Variants in FMNL2 observed in about 807,000 individuals in gnomAD.
FMNL2 encodes the protein formin like 2.
A neutral mutation model predicts 130.2 loss-of-function variants in FMNL2; 51 were observed. The ratio of observed to expected loss-of-function variants is 0.39; its 90% CI spans 0.31 to 0.49. The LOEUF is 0.49. Among genes scored for constraint, FMNL2 ranks in the 20% least tolerant of loss-of-function variants. FMNL2 has a pLI of 0.85. For synonymous variants in FMNL2, 465 were observed against 467.1 expected (o/e 1.00, Z 0.06); for missense variants, 977 against 1,316.2 (o/e 0.74, Z 3.99).
At chr2:152,429,144 A>ACCTGCACAT (rs963228706) in intron 1 of FMNL2, among the ~76,000 whole-genome samples, 3 of 151,762 alleles carry the variant, frequency 2.0e-5, no homozygotes, top group African/African-American at 7.3e-5. Flanking sequence ...TACGTAACAA[A>ACCTGCACAT]CCTGCACATC....
At chr2:152,392,562 C>A (rs1387214816) in intron 1 of FMNL2, among the ~76,000 whole-genome samples, 2 of 152,178 alleles carry the variant, frequency 1.3e-5, no homozygotes, top group Non-Finnish European at 2.9e-5. Context: ...GACCCTCTTG[C>A]TGCATCCTCA....
chr2:152,364,277 T>TG (rs1683377646), intron 1 of FMNL2, among the ~76,000 whole-genome samples: 1 of 111,984 alleles, frequency 8.9e-6, no homozygotes, highest in African/African-American at 2.8e-5. Context: ...TTTTTTTTTT[T>TG]TTTTTTTTTT....
chr2:152,371,214 T>A (rs1486695815), intron 1 of FMNL2, among the ~76,000 whole-genome samples: 1 of 152,188 alleles, frequency 6.6e-6, no homozygotes, highest in Non-Finnish European at 1.5e-5. Context: ...TCAGCCCTAT[T>A]TATCATGGGG....
intron 2 of FMNL2, among the ~76,000 whole-genome samples, chr2:152,527,489 A>C (rs1240027579): frequency 6.6e-6 from 1 of 152,196 alleles, no homozygotes; most frequent in African/African-American, 2.4e-5. Flanking sequence ...CCTTCTATTA[A>C]TACAGTAAAC....
At chr2:152,597,449 TA>T in intron 9 of FMNL2, among the ~76,000 whole-genome samples, 1 of 152,338 alleles carries the variant, frequency 6.6e-6, no homozygotes, top group Non-Finnish European at 1.5e-5. Context: ...TAGAGTATCA[TA>T]AAGATGTGTA....
chr2:152,351,118 C>A (rs905131286), intron 1 of FMNL2, among the ~76,000 whole-genome samples: 11 of 152,064 alleles, frequency 7.2e-5, no homozygotes, highest in Admixed American at 7.2e-4. Flanking sequence ...TAAAATTATC[C>A]CAAAAATACC....
rs376946129 is a variant in FMNL2 at position 152,619,582 on chromosome 2, G to T, written c.1701G>T (p.Pro567=). 9.9e-5 allele frequency: 24 copies of T among 243,376 alleles called. No homozygotes were observed. In the African/African-American group the frequency reaches 3.0e-3, roughly 30 times the overall value. The allele number at this position is 243,376 out of a possible 1,614,324, so 15.1% of individuals were successfully genotyped here. ...CTCCTCCACCTCCTCCTCCCCCACC[G>T]CCCCCTCCGCCTCCTCCTCTCCCAG... ...PPPPPPPPPP[P]PPPPPPLPGP... is the part of the protein sequence containing the mutation. Residue 567 remains proline (P), a synonymous_variant, in exon 15 of 26, where the codon CCG becomes CCT. Coordinates refer to ENST00000288670, the MANE Select transcript of FMNL2 (RefSeq NM_052905.4).
chr2:152,501,634 A>G (rs1190938160), intron 1 of FMNL2, among the ~76,000 whole-genome samples: 3 of 152,340 alleles, frequency 2.0e-5, no homozygotes, highest in East Asian at 1.9e-4. Context: ...AGAAGGGAGC[A>G]AAGAGCCTGA....
At chr2:152,559,815 T>C (rs1369218636) in intron 5 of FMNL2, among the ~76,000 whole-genome samples, 1 of 152,148 alleles carries the variant, frequency 6.6e-6, no homozygotes, top group Non-Finnish European at 1.5e-5. Flanking sequence ...TTTATTAGAT[T>C]ACCCCATTCT....
chr2:152,625,899 C>G lies in FMNL2; in HGVS notation c.1962+337C>G, dbSNP rs370544423. Among the ~76,000 whole-genome samples, 124 of 152,290 alleles carry G rather than the reference C, an allele frequency of 8.1e-4. No homozygotes were observed. The South Asian group carries it at 0.026, about 32-fold the overall frequency. The stretch of plus-strand genomic sequence containing the variant: ...TGCAAGTGAGCTCAATTATCACACT[C>G]ACTGCCTTATCTGATGGATAATTTT... On this transcript the variant is annotated intron_variant, in intron 16 of 25. Coordinates refer to ENST00000288670, the MANE Select transcript of FMNL2 (RefSeq NM_052905.4).
intron 1 of FMNL2, among the ~76,000 whole-genome samples, chr2:152,378,338 G>T (rs1049426470): frequency 4.6e-5 from 7 of 152,008 alleles, no homozygotes; most frequent in African/African-American, 9.7e-5. Flanking sequence ...CTATTTATGG[G>T]AATATAAGCT....
chr2:152,628,567 C>A, intron 18 of FMNL2, 34 bp downstream of exon 18: 2 of 1,561,312 alleles, frequency 1.3e-6, no homozygotes, highest in South Asian at 1.1e-5. Context: ...GGAGGGGGTC[C>A]AAAGAAATGT....
chr2:152,504,008 G>C (rs1045047867), intron 1 of FMNL2, among the ~76,000 whole-genome samples: 2 of 152,136 alleles, frequency 1.3e-5, no homozygotes, highest in African/African-American at 4.8e-5. Context: ...TGGTCAACAT[G>C]ACAAAATTCC....
chr2:152,337,521 A>G (rs1681544692), intron 1 of FMNL2, among the ~76,000 whole-genome samples: 1 of 151,948 alleles, frequency 6.6e-6, no homozygotes, highest in Non-Finnish European at 1.5e-5. Context: ...TGACTAGGAT[A>G]GCATTTTTTT....
rs1186598467 is a variant in FMNL2, at chr2:152,593,900, T to A, written c.876+12851T>A. ...GTGTGTGTGTGTGTGTGTGTGTGTG[T>A]GTGAGAGAGAGAGAGAGAGAGAGAG... On this transcript the variant is annotated intron_variant, in intron 9 of 25. Transcript: ENST00000288670. Among the ~76,000 whole-genome samples, 297 of 80,784 alleles carry A rather than the reference T, an allele frequency of 3.7e-3. 2 individuals are homozygous for A. The highest frequency in any genetic ancestry group is 6.6e-3 in the African/African-American group (148 of 22,426). The allele number at this position is 80,784 out of a possible 152,430, so 53.0% of individuals were successfully genotyped here.
chr2:152,509,266 T>A (rs1692350603), intron 1 of FMNL2, among the ~76,000 whole-genome samples: 1 of 152,232 alleles, frequency 6.6e-6, no homozygotes, highest in Non-Finnish European at 1.5e-5. Context: ...TAAGGGTACC[T>A]GTTTATAATA....
At chr2:152,547,060 C>T (rs746796882) in intron 3 of FMNL2, among the ~76,000 whole-genome samples, 3 of 151,934 alleles carry the variant, frequency 2.0e-5, no homozygotes, top group Non-Finnish European at 2.9e-5. Flanking sequence ...GTTCTCGTGC[C>T]TCAGCTTCCT....
intron 1 of FMNL2, among the ~76,000 whole-genome samples, chr2:152,388,499 C>T (rs373098855): frequency 1.3e-5 from 2 of 152,166 alleles, no homozygotes; most frequent in African/African-American, 2.4e-5. Flanking sequence ...ACAGCATGAG[C>T]CTAACTACCC....
At chr2:152,543,172 G>A (rs1482479331) in intron 3 of FMNL2, among the ~76,000 whole-genome samples, 5 of 152,116 alleles carry the variant, frequency 3.3e-5, no homozygotes, top group Admixed American at 3.3e-4. Context: ...TTATGCCTTG[G>A]TGCATTTCCA....
Sources: gnomAD v4.1 joint callset for allele counts (sites outside exome capture counted in the v4.1 genomes callset) on GRCh38, gnomAD v4.1.1 for gene constraint, MANE v1.5 for transcripts, NCBI Gene and HGNC (gene_info 2026-07-23, HGNC 2026-07-21) for gene names.